TRIQK: variants seen among roughly 807,000 people sequenced by gnomAD.
The protein encoded by TRIQK is triple QxxK/R motif containing, also known as triple QxxK/R motif-containing protein.
TRIQK carries 10 observed loss-of-function variants against 10.8 expected under a neutral mutation model. The observed-to-expected ratio is 0.92, with a 90% CI of 0.57 to 1.57. TRIQK has a LOEUF of 1.57. TRIQK is among the 40% of genes most tolerant of loss of function. TRIQK has a pLI of 0.00. For synonymous variants in TRIQK, 33 were observed against 33.7 expected (o/e 0.98, Z 0.07); for missense variants, 107 against 97.7 (o/e 1.09, Z -0.40).
chr8:92,919,214 G>A (rs1361095447), intron 2 of TRIQK, among the ~76,000 whole-genome samples: 2 of 151,748 alleles, frequency 1.3e-5, no homozygotes, highest in Non-Finnish European at 3.0e-5. Context: ...GATCTTCTGG[G>A]GTTCCATGTG....
Position 92,884,615 on chromosome 8 carries a change from T to G in TRIQK, c.*2007A>C, listed in dbSNP as rs898407914. ...GGGTAAAACAGAATGGTAAAGTTTT[T>G]TTCAGGATAATGAATTTTCAAACAT... On this transcript the variant is annotated 3_prime_UTR_variant, in exon 5 of 5. Transcript: ENST00000521988. The G allele has an allele frequency of 3.6e-5, 12 of 328,846 alleles. No individual in the cohort carries two copies. The highest frequency in any genetic ancestry group is 2.6e-4 in the African/African-American group (12 of 46,218). The allele number at this position is 328,846 out of a possible 1,614,324, so 20.4% of individuals were successfully genotyped here.
intron 3 of TRIQK, among the ~76,000 whole-genome samples, chr8:92,893,433 G>A (rs1432184703): frequency 6.6e-6 from 1 of 151,944 alleles, no homozygotes; most frequent in Non-Finnish European, 1.5e-5. Context: ...CAATGAGCAT[G>A]CAGAAGCTTA....
At chr8:92,953,850 G>A (rs1394494462) in intron 2 of TRIQK, 1 of 151,884 alleles carries the variant, frequency 6.6e-6, no homozygotes, top group African/African-American at 2.4e-5. Context: ...AGAACAGTAA[G>A]CGATGAGGTC....
chr8:92,926,036 C>T (rs2013990), intron 2 of TRIQK, among the ~76,000 whole-genome samples: 1,601 of 151,690 alleles, frequency 0.011, 12 homozygotes, highest in Non-Finnish European at 0.016. Flanking sequence ...GCCAAGATCG[C>T]GCCACTGCAC....
intron 3 of TRIQK, among the ~76,000 whole-genome samples, chr8:92,916,654 A>G (rs1290742791): frequency 1.3e-5 from 2 of 152,056 alleles, no homozygotes; most frequent in African/African-American, 4.8e-5. Context: ...CTGATTATAT[A>G]AAAGCATTCA....
chr8:93,000,024 G>T (rs1813192671), intron 1 of TRIQK, among the ~76,000 whole-genome samples: 1 of 151,316 alleles, frequency 6.6e-6, no homozygotes, highest in Admixed American at 6.6e-5. Context: ...CTTCCATCAT[G>T]GTCTCTATAT....
At chr8:92,931,590 G>T (rs931064502) in intron 2 of TRIQK, among the ~76,000 whole-genome samples, 9 of 152,110 alleles carry the variant, frequency 5.9e-5, no homozygotes, top group Non-Finnish European at 1.2e-4. Context: ...TAAGCATTTT[G>T]GTTAACGAAT....
chr8:93,009,706 G>A (rs1813313187), intron 1 of TRIQK, among the ~76,000 whole-genome samples: 1 of 151,862 alleles, frequency 6.6e-6, no homozygotes, highest in South Asian at 2.1e-4. Context: ...CAGCTATTAT[G>A]GAAAACATTA....
chr8:93,009,163 G>A (rs1586530786), intron 1 of TRIQK, among the ~76,000 whole-genome samples: 1 of 152,192 alleles, frequency 6.6e-6, no homozygotes, highest in South Asian at 2.1e-4. Context: ...ATTTTAAAAT[G>A]TCAAAGAATC....
intron 1 of TRIQK, among the ~76,000 whole-genome samples, chr8:92,957,246 A>G (rs1812215126): frequency 6.6e-6 from 1 of 151,836 alleles, no homozygotes; most frequent in East Asian, 1.9e-4. Context: ...CCATATATAC[A>G]TATATGTAAG....
At chr8:92,935,544 A>G (rs1187467980) in intron 2 of TRIQK, among the ~76,000 whole-genome samples, 1 of 151,648 alleles carries the variant, frequency 6.6e-6, no homozygotes, top group Non-Finnish European at 1.5e-5. Flanking sequence ...TAATGAACCA[A>G]AAAGGAAATA....
intron 1 of TRIQK, among the ~76,000 whole-genome samples, chr8:92,983,467 T>C (rs1342604857): frequency 6.6e-6 from 1 of 152,112 alleles, no homozygotes; most frequent in Non-Finnish European, 1.5e-5. Context: ...TCAGTCTTCC[T>C]TAACCTAGAG....
At chr8:92,927,319 C>T (rs1563639126) in intron 2 of TRIQK, among the ~76,000 whole-genome samples, 4 of 151,654 alleles carry the variant, frequency 2.6e-5, no homozygotes, top group East Asian at 1.9e-4. Context: ...TGATGTTCTA[C>T]GGTATCTAAA....
chr8:92,908,644 G>A (rs1321187098), intron 3 of TRIQK, among the ~76,000 whole-genome samples: 1 of 152,018 alleles, frequency 6.6e-6, no homozygotes, highest in East Asian at 1.9e-4. Flanking sequence ...TAAATACCAA[G>A]TTCTATTCAC....
intron 3 of TRIQK, among the ~76,000 whole-genome samples, chr8:92,905,334 A>T (rs1473052054): frequency 5.9e-5 from 9 of 152,192 alleles, no homozygotes; most frequent in Admixed American, 4.6e-4. Context: ...TTATAACAAT[A>T]TATACAACAT....
chr8:92,891,985 T>A lies in TRIQK; in HGVS notation c.147+4A>T. 1 of 1,529,316 alleles carries A rather than the reference T, an allele frequency of 6.5e-7. No individual in the cohort carries two copies. The highest frequency in any genetic ancestry group is 8.8e-7 in the Non-Finnish European group (1 of 1,142,032). The allele number at this position is 1,529,316 out of a possible 1,614,324, so 94.7% of individuals were successfully genotyped here. A position where few individuals can be genotyped will look rare whatever the true frequency, so the allele number is the denominator to read the frequency against. On this transcript the variant is annotated splice_donor_region_variant and intron_variant, in intron 4 of 4. Transcript: ENST00000521988. ...AATTTTAAAGTTATCAAATAGAGGT[T>A]TACCTTTATGCCTATTGCTGTTTTC...
At chr8:92,941,025 A>G (rs1013468799) in intron 2 of TRIQK, 4 of 152,164 alleles carry the variant, frequency 2.6e-5, no homozygotes, top group Non-Finnish European at 5.9e-5. Flanking sequence ...CTTCTGAAAA[A>G]TGAATGGGTT....
At chr8:92,915,605 G>A (rs1356581116) in intron 3 of TRIQK, among the ~76,000 whole-genome samples, 2 of 151,116 alleles carry the variant, frequency 1.3e-5, no homozygotes, top group Non-Finnish European at 2.9e-5. Context: ...CATTCTCCTG[G>A]CTCAGCCTCC....
intron 2 of TRIQK, chr8:92,941,055 A>T (rs1341510156): frequency 6.6e-6 from 1 of 151,990 alleles, no homozygotes; most frequent in Non-Finnish European, 1.5e-5. Flanking sequence ...ATTAAAAGGG[A>T]AATTTATTTA....
Sources: gnomAD v4.1 joint callset for allele counts (sites outside exome capture counted in the v4.1 genomes callset) on GRCh38, gnomAD v4.1.1 for gene constraint, MANE v1.5 for transcripts, NCBI Gene and HGNC (gene_info 2026-07-23, HGNC 2026-07-21) for gene names.